NEO1: variants seen among roughly 807,000 people sequenced by gnomAD.
The protein encoded by NEO1 is neogenin.
In NEO1, 63 loss-of-function variants were observed where a neutral mutation model predicts 159.7. That is an observed-to-expected ratio of 0.39 (90% confidence interval 0.32 to 0.49). NEO1 has a LOEUF of 0.49. NEO1 is among the 20% of genes least tolerant of loss of function. The probability of loss-of-function intolerance (pLI) is 0.85; values close to 1 mark genes in which losing one functional copy is unlikely to be tolerated. For missense variants in NEO1, 1,615 were observed against 1,831.0 expected (o/e 0.88, Z 2.15); for synonymous variants, 633 against 662.0 (o/e 0.96, Z 0.67).
intron 7 of NEO1, among the ~76,000 whole-genome samples, chr15:73,184,147 A>AAATT (rs538116304): frequency 6.6e-6 from 1 of 151,926 alleles, no homozygotes; most frequent in Non-Finnish European, 1.5e-5. Context: ...ACCTTTTTTA[A>AAATT]AATTAATTAA....
At chr15:73,257,195 A>G (rs530243153) in intron 13 of NEO1, among the ~76,000 whole-genome samples, 103 of 148,114 alleles carry the variant, frequency 7.0e-4, no homozygotes, top group Non-Finnish European at 1.3e-3. Context: ...AACATTTGCC[A>G]TTTGTAAGGC....
chr15:73,236,331 A>T lies in NEO1; in HGVS notation c.1292-16A>T. 6.2e-7 allele frequency: 1 copy of T among 1,614,050 alleles called. No individual in the cohort carries two copies. The highest frequency in any genetic ancestry group is 8.5e-7 in the Non-Finnish European group (1 of 1,180,002). ...ACCTCCCACTTCACTGACCAGTGCCACTACTGACCATCTAGCACCAGCCAC... is the reference window on the plus strand; with the variant it reads ...ACCTCCCACTTCACTGACCAGTGCCTCTACTGACCATCTAGCACCAGCCAC... On this transcript the variant is annotated splice_polypyrimidine_tract_variant and intron_variant, in intron 7 of 28. Coordinates refer to ENST00000261908, the MANE Select transcript of NEO1 (RefSeq NM_002499.4).
intron 2 of NEO1, among the ~76,000 whole-genome samples, chr15:73,118,917 A>G (rs938242009): frequency 3.9e-5 from 6 of 152,244 alleles, no homozygotes; most frequent in African/African-American, 7.2e-5. Context: ...AGGCAATACT[A>G]TAGTGAACTG....
chr15:73,092,292 TGC>T (rs1247881566), intron 1 of NEO1, among the ~76,000 whole-genome samples: 1 of 152,200 alleles, frequency 6.6e-6, no homozygotes, highest in Non-Finnish European at 1.5e-5. Context: ...AAGTGTCAGC[TGC>T]TGTAGTTGAT....
Position 73,253,507 on chromosome 15 carries a change from G to A in NEO1, c.1944+58G>A, listed in dbSNP as rs2040190475. 11 of 1,200,768 alleles carry A rather than the reference G, an allele frequency of 9.2e-6. No individual in the cohort carries two copies. The East Asian group carries it at 2.4e-4, about 26-fold the overall frequency. The allele number at this position is 1,200,768 out of a possible 1,614,324, so 74.4% of individuals were successfully genotyped here. On this transcript the variant is annotated intron_variant, in intron 12 of 28. Coordinates refer to ENST00000261908, the MANE Select transcript of NEO1 (RefSeq NM_002499.4). The stretch of plus-strand genomic sequence containing the variant: ...CTGGTATACTGTTGCGCCTCAGAGG[G>A]GCTTATAGAAAGGGAGATTCTGTAG...
At chr15:73,257,306 A>T (rs990122229) in intron 13 of NEO1, among the ~76,000 whole-genome samples, 2 of 150,778 alleles carry the variant, frequency 1.3e-5, no homozygotes, top group African/African-American at 4.9e-5. Context: ...CCATGAGGAG[A>T]TTATTCATTT....
chr15:73,290,736 A>C (rs188230783), intron 25 of NEO1, among the ~76,000 whole-genome samples: 34 of 152,330 alleles, frequency 2.2e-4, no homozygotes, highest in Admixed American at 3.9e-4. Flanking sequence ...AGCCTTTCAG[A>C]CTAGCTAGCA....
intron 26 of NEO1, among the ~76,000 whole-genome samples, chr15:73,295,151 T>TATATATATATATATATATA (rs1555470520): frequency 3.4e-5 from 5 of 145,548 alleles, no homozygotes; most frequent in Non-Finnish European, 7.6e-5. Flanking sequence ...TATGTAAAAA[T>TATATATATATATATATATA]TTGGCCTTTC....
intron 1 of NEO1, among the ~76,000 whole-genome samples, chr15:73,114,863 T>A (rs1464845971): frequency 6.6e-6 from 1 of 152,178 alleles, no homozygotes; most frequent in Non-Finnish European, 1.5e-5. Flanking sequence ...TTTAGCTATC[T>A]TTTTATACTT....
chr15:73,292,250 A>G (rs2042189484), intron 25 of NEO1, among the ~76,000 whole-genome samples: 1 of 152,184 alleles, frequency 6.6e-6, no homozygotes, highest in Non-Finnish European at 1.5e-5. Context: ...TCACCAGAGT[A>G]ATGTTGAATA....
At chr15:73,297,528 G>C (rs942710321) in intron 26 of NEO1, among the ~76,000 whole-genome samples, 1 of 152,204 alleles carries the variant, frequency 6.6e-6, no homozygotes, top group Non-Finnish European at 1.5e-5. Flanking sequence ...CTGAGACTCA[G>C]AGATATTCAG....
At chr15:73,217,538 G>A (rs1342943695) in intron 7 of NEO1, among the ~76,000 whole-genome samples, 1 of 152,024 alleles carries the variant, frequency 6.6e-6, no homozygotes, top group Non-Finnish European at 1.5e-5. Context: ...CCATTTTCAC[G>A]ATATTGATTC....
intron 7 of NEO1, among the ~76,000 whole-genome samples, chr15:73,207,266 T>C (rs964291327): frequency 2.0e-5 from 3 of 152,366 alleles, no homozygotes; most frequent in South Asian, 4.1e-4. Context: ...TAGATATTGT[T>C]ACTATTTGTA....
At chr15:73,167,932 A>G (rs1027171512) in intron 5 of NEO1, among the ~76,000 whole-genome samples, 4 of 152,202 alleles carry the variant, frequency 2.6e-5, no homozygotes, top group African/African-American at 9.6e-5. Context: ...TTACATCATC[A>G]TAAACATTTA....
chr15:73,138,934 GGCTTATAAAAA>G (rs2032101008), intron 5 of NEO1, among the ~76,000 whole-genome samples: 1 of 152,000 alleles, frequency 6.6e-6, no homozygotes, highest in Non-Finnish European at 1.5e-5. Flanking sequence ...TGACTTCCGA[GGCTTATAAAAA>G]GCTGTGCATT....
chr15:73,237,167 G>C (rs1268385645), intron 8 of NEO1, among the ~76,000 whole-genome samples: 1 of 151,894 alleles, frequency 6.6e-6, no homozygotes, highest in African/African-American at 2.4e-5. Context: ...CCCTTTCTCA[G>C]CTGAAGGTAA....
intron 1 of NEO1, among the ~76,000 whole-genome samples, chr15:73,058,199 A>G (rs1055945059): frequency 6.6e-6 from 1 of 152,226 alleles, no homozygotes; most frequent in African/African-American, 2.4e-5. Context: ...GTGGCTAATT[A>G]AAGTAGTAGT....
rs1430182095 is a variant in NEO1 at position 73,202,530 on chromosome 15, C to T, written c.1291+24103C>T. Among the ~76,000 whole-genome samples, 6 of 152,164 alleles carry T rather than the reference C, an allele frequency of 3.9e-5. 1 individual carries two copies. The East Asian group carries it at 1.2e-3, about 29-fold the overall frequency. On this transcript the variant is annotated intron_variant, in intron 7 of 28. Coordinates refer to ENST00000261908, the MANE Select transcript of NEO1 (RefSeq NM_002499.4). The stretch of plus-strand genomic sequence containing the variant: ...TTACAAGTTACCTTACCCAGAATTG[C>T]CTGTGCTCATGATTCTTTCGTTCTA...
At chr15:73,168,396 A>G (rs1025879999) in intron 5 of NEO1, among the ~76,000 whole-genome samples, 1 of 135,002 alleles carries the variant, frequency 7.4e-6, no homozygotes, top group Non-Finnish European at 1.6e-5. Flanking sequence ...GGGGGGTCTC[A>G]CCATGTTGGC....
Sources: allele counts gnomAD v4.1 joint callset (sites outside exome capture counted in the v4.1 genomes callset), GRCh38; gene constraint gnomAD v4.1.1; transcripts MANE v1.5; gene names NCBI Gene and HGNC (gene_info 2026-07-23, HGNC 2026-07-21).